ZNF821: variants seen among roughly 807,000 people sequenced by gnomAD.
ZNF821 encodes the protein zinc finger protein 821.
A neutral mutation model predicts 44.3 loss-of-function variants in ZNF821; 16 were observed. The ratio of observed to expected loss-of-function variants is 0.36; its 90% CI spans 0.24 to 0.55. The LOEUF is 0.55. Ranked by LOEUF, ZNF821 falls within the 20% of genes least tolerant of loss-of-function variation. ZNF821 has a pLI of 0.86. For synonymous variants in ZNF821, 204 were observed against 197.6 expected, an observed-to-expected ratio of 1.03 and a Z score of -0.27; for missense variants, 436 against 547.6, an observed-to-expected ratio of 0.80 and a Z score of 2.03.
At chr16:71,894,868 GA>G in intron 1 of ZNF821, 2 of 1,524,336 alleles carry the variant, frequency 1.3e-6, no homozygotes, top group South Asian at 1.2e-5. Flanking sequence ...GGTAACCAAG[GA>G]AAAAGTTTTC....
intron 6 of ZNF821, 148 bp from the exon 7 acceptor site, chr16:71,862,090 G>T: frequency 1.1e-6 from 1 of 903,414 alleles, no homozygotes; most frequent in Non-Finnish European, 1.6e-6. Context: ...AGAAAAGTCA[G>T]TCTCTTACAT....
At chr16:71,881,487 A>T (rs750148208) in intron 2 of ZNF821, 6 of 152,362 alleles carry the variant, frequency 3.9e-5, no homozygotes, top group Middle Eastern at 3.4e-3. Flanking sequence ...AATAAAAATC[A>T]ATTTAAACTA....
intron 2 of ZNF821, chr16:71,881,636 G>A (rs2036432083): frequency 6.6e-6 from 1 of 152,144 alleles, no homozygotes; most frequent in Non-Finnish European, 1.5e-5. Flanking sequence ...TATGTGTGTG[G>A]AATCACCAAG....
At chr16:71,882,819 G>GT (rs1597211569) in intron 2 of ZNF821, among the ~76,000 whole-genome samples, 7 of 152,264 alleles carry the variant, frequency 4.6e-5, no homozygotes, top group African/African-American at 1.7e-4. Flanking sequence ...CAGATGACTT[G>GT]TTTTATAGGC....
intron 1 of ZNF821, among the ~76,000 whole-genome samples, chr16:71,890,380 A>C (rs925368822): frequency 7.6e-6 from 1 of 131,606 alleles, no homozygotes; most frequent in East Asian, 2.5e-4. Context: ...TTTATGCAGA[A>C]GTCAGCAAAC....
chr16:71,892,571 ATTTTT>A (rs986384229), intron 1 of ZNF821, among the ~76,000 whole-genome samples: 9 of 122,478 alleles, frequency 7.3e-5, no homozygotes, highest in African/African-American at 9.5e-5. Context: ...CCCGGCCAAA[ATTTTT>A]TTTTTTTTTT....
intron 3 of ZNF821, among the ~76,000 whole-genome samples, chr16:71,876,421 C>G (rs187061169): frequency 1.3e-5 from 2 of 152,148 alleles, no homozygotes; most frequent in East Asian, 1.9e-4. Flanking sequence ...CCAGGCTGGT[C>G]TCAAACTCCT....
chr16:71,882,145 C>G (rs746251035), intron 2 of ZNF821: 7 of 151,648 alleles, frequency 4.6e-5, no homozygotes, highest in African/African-American at 7.3e-5. Context: ...TGATGCATGT[C>G]TGTAATCTCA....
intron 3 of ZNF821, among the ~76,000 whole-genome samples, chr16:71,878,741 C>T (rs2036118416): frequency 6.6e-6 from 1 of 151,946 alleles, no homozygotes; most frequent in African/African-American, 2.4e-5. Flanking sequence ...GCCAGCCTCG[C>T]CAACATGGTG....
At chr16:71,862,462 G>A (rs898113573) in intron 6 of ZNF821, among the ~76,000 whole-genome samples, 5 of 152,096 alleles carry the variant, frequency 3.3e-5, no homozygotes, top group Non-Finnish European at 5.9e-5. Context: ...GTAATACAGC[G>A]AAATTCTGTC....
At position 71,867,686 on chromosome 16, in the gene ZNF821, CA is replaced by C. The variant is rs879563055; in HGVS notation, c.166+225del. Among the ~76,000 whole-genome samples the C allele has an allele frequency of 2.3e-3, 320 of 140,006 alleles. 1 individual carries two copies. Among genetic ancestry groups the C allele is most frequent in the African/African-American group, 4.8e-3 (187 of 38,594 alleles). 91.8% of individuals were successfully genotyped at this position (140,006 alleles called of 152,430 possible). A position where few individuals can be genotyped will look rare whatever the true frequency, so the allele number is the denominator to read the frequency against. ...GGGCAACAAGAGCGAAACTCTGTCA[CA>C]AAAAAAAAAAAGTATATATATATAA... On this transcript the variant is annotated intron_variant, in intron 4 of 7. Transcript: ENST00000425432.
chr16:71,877,499 A>G (rs1009103629), intron 3 of ZNF821, among the ~76,000 whole-genome samples: 2 of 151,736 alleles, frequency 1.3e-5, no homozygotes, highest in Non-Finnish European at 2.9e-5. Context: ...GGCTCATGCA[A>G]TCCTCCTGCC....
intron 2 of ZNF821, 116 bp from the exon 3 acceptor site, chr16:71,880,139 A>C (rs1330714008): frequency 6.3e-6 from 3 of 476,814 alleles, no homozygotes; most frequent in Non-Finnish European, 1.1e-5. Flanking sequence ...CACCAGTTAT[A>C]AATAATTGAA....
At chr16:71,892,734 C>CT (rs1177952498) in intron 1 of ZNF821, among the ~76,000 whole-genome samples, 13,708 of 125,240 alleles carry the variant, frequency 0.11, 2,176 homozygotes, top group African/African-American at 0.36. Context: ...ACAAACCAGG[C>CT]TTTTTTTTTT....
At chr16:71,878,168 A>G (rs2036045523) in intron 3 of ZNF821, among the ~76,000 whole-genome samples, 1 of 145,920 alleles carries the variant, frequency 6.9e-6, no homozygotes, top group African/African-American at 2.5e-5. Flanking sequence ...AGTCAGTGAC[A>G]CGATCTTGGC....
At chr16:71,865,242 G>A (rs1017453149) in intron 4 of ZNF821, among the ~76,000 whole-genome samples, 194 bp from the exon 5 acceptor site, 1 of 152,166 alleles carries the variant, frequency 6.6e-6, no homozygotes, top group Non-Finnish European at 1.5e-5. Flanking sequence ...CCATATACAC[G>A]TAAAGGGAAG....
Position 71,860,856 on chromosome 16 carries a change from C to CT in ZNF821, c.585-185dup, listed in dbSNP as rs36005705. On this transcript the variant is annotated intron_variant, in intron 7 of 7. Coordinates refer to ENST00000425432, the MANE Select transcript of ZNF821 (RefSeq NM_001201552.2). The surrounding 1 kb of genome is among the most constrained non-coding windows in gnomAD (Gnocchi z 7.3). ...TCTTCGCGTGAGAGTTGTCTACCAACTTTTTTTTTTTTTTTTTGAGACAGA... is the reference window on the plus strand; with the variant it reads ...TCTTCGCGTGAGAGTTGTCTACCAACTTTTTTTTTTTTTTTTTTGAGACAGA... Among the ~76,000 whole-genome samples, 89,837 of 135,922 alleles carry CT rather than the reference C, an allele frequency of 0.66. 31,491 individuals carry two copies. The highest frequency in any genetic ancestry group is 0.96 in the East Asian group (4,454 of 4,626). 89.2% of individuals were successfully genotyped at this position (135,922 alleles called of 152,430 possible). A position where few individuals can be genotyped will look rare whatever the true frequency, so the allele number is the denominator to read the frequency against.
chr16:71,864,808 CA>C, intron 5 of ZNF821, 94 bp downstream of exon 5: 1 of 1,514,262 alleles, frequency 6.6e-7, no homozygotes, highest in Admixed American at 1.9e-5. Flanking sequence ...AGGAGACCAT[CA>C]GAGGCAAGAC....
Position 71,883,916 on chromosome 16 carries a change from T to C in ZNF821, c.-149A>G, listed in dbSNP as rs2036703398. Reference sequence around the variant, plus strand: ...GCAGGGGGTCTTTTTACCCGGCGCCTCGGCGCTGCGCTGCGCTCTGGGTCC... The same window carrying C: ...GCAGGGGGTCTTTTTACCCGGCGCCCCGGCGCTGCGCTGCGCTCTGGGTCC... On this transcript the variant is annotated 5_prime_UTR_variant, in exon 1 of 8. Transcript: ENST00000425432. 1 of 152,192 alleles carries C rather than the reference T, an allele frequency of 6.6e-6. No homozygotes were observed. The highest frequency in any genetic ancestry group is 6.5e-5 in the Admixed American group (1 of 15,276). 9.4% of individuals were successfully genotyped at this position (152,192 alleles called of 1,614,324 possible). A position where few individuals can be genotyped will look rare whatever the true frequency, so the allele number is the denominator to read the frequency against.
Sources: allele counts gnomAD v4.1 joint callset (sites outside exome capture counted in the v4.1 genomes callset), GRCh38; gene constraint gnomAD v4.1.1; non-coding constraint Gnocchi (gnomAD v3.1); transcripts MANE v1.5; gene names NCBI Gene and HGNC (gene_info 2026-07-23, HGNC 2026-07-21).